Variants in PIEZO2 observed in about 807,000 individuals in gnomAD.
PIEZO2 encodes piezo type mechanosensitive ion channel component 2.
Under a neutral mutation model 337.3 loss-of-function variants are expected in PIEZO2, and 172 were observed. That is an observed-to-expected ratio of 0.51 (90% CI 0.45 to 0.58). The LOEUF (loss-of-function observed/expected upper bound fraction) is 0.58, where lower values mean the gene tolerates loss of function less well. PIEZO2 is among the 20% of genes least tolerant of loss of function. PIEZO2 has a pLI of 0.00. For synonymous variants in PIEZO2, 1,251 were observed against 1,228.5 expected (o/e 1.02, Z -0.38); for missense variants, 3,028 against 3,391.3 (o/e 0.89, Z 2.66).
chr18:10,825,638 C>T (rs562323147), intron 7 of PIEZO2, among the ~76,000 whole-genome samples: 10 of 148,130 alleles, frequency 6.8e-5, no homozygotes, highest in Non-Finnish European at 1.0e-4. Context: ...GCAACCTTTG[C>T]CTCCTGGGAT....
rs2038027225 is a variant in PIEZO2, at chr18:10,759,453, C to T, written c.3757+29G>A. The T allele has an allele frequency of 4.0e-6, 6 of 1,509,558 alleles. No homozygotes were observed. The Admixed American group carries it at 5.9e-5, about 15-fold the overall frequency. 93.5% of individuals were successfully genotyped at this position (1,509,558 alleles called of 1,614,324 possible). On this transcript the variant is annotated intron_variant, in intron 26 of 55. Transcript: ENST00000674853. The surrounding 1 kb of genome is among the most constrained non-coding windows in gnomAD (Gnocchi z 5.5). Reference sequence around the variant, plus strand: ...TTAACAGTAAACCCGGATACCAGCACTCTGTGGCCCTGCAGTGGAAACACT... The same window carrying T: ...TTAACAGTAAACCCGGATACCAGCATTCTGTGGCCCTGCAGTGGAAACACT...
chr18:10,756,027 G>C (rs2037828236), intron 27 of PIEZO2, among the ~76,000 whole-genome samples: 1 of 140,016 alleles, frequency 7.1e-6, no homozygotes, highest in Non-Finnish European at 1.6e-5. Context: ...GGAGGGATGG[G>C]GATAAGGAGG....
chr18:10,984,349 T>A (rs943286101), intron 2 of PIEZO2, among the ~76,000 whole-genome samples: 1 of 151,976 alleles, frequency 6.6e-6, no homozygotes, highest in Non-Finnish European at 1.5e-5. Flanking sequence ...ATTAAATTTT[T>A]AAAAATATAT....
rs117512691 is a variant in PIEZO2 at position 10,803,424 on chromosome 18, G to A, written c.1200+451C>T. On this transcript the variant is annotated intron_variant, in intron 9 of 55. Coordinates refer to ENST00000674853, the MANE Select transcript of PIEZO2 (RefSeq NM_001378183.1). ...TTATCACTGGTAACAATTATTGTCCGTTGTTTGCCTCAAAGTGATGAGCTC... is the reference window on the plus strand; with the variant it reads ...TTATCACTGGTAACAATTATTGTCCATTGTTTGCCTCAAAGTGATGAGCTC... Among the ~76,000 whole-genome samples, 33 of 152,218 alleles carry A rather than the reference G, an allele frequency of 2.2e-4. No homozygotes were observed. In the East Asian group the frequency reaches 2.5e-3, roughly 12 times the overall value.
chr18:10,729,997 T>C (rs1000911673), intron 36 of PIEZO2, among the ~76,000 whole-genome samples: 1 of 152,236 alleles, frequency 6.6e-6, no homozygotes, highest in Non-Finnish European at 1.5e-5. Context: ...CTCTTCTTCA[T>C]ATGGGCATTT....
At chr18:10,991,991 C>A (rs113533824) in intron 2 of PIEZO2, among the ~76,000 whole-genome samples, 47 of 152,280 alleles carry the variant, frequency 3.1e-4, no homozygotes, top group African/African-American at 1.1e-3. Context: ...TGATGATGAG[C>A]TTTTTTTCAT....
intron 36 of PIEZO2, among the ~76,000 whole-genome samples, chr18:10,728,949 T>C (rs371974436): frequency 1.2e-3 from 148 of 121,098 alleles, no homozygotes; most frequent in African/African-American, 5.0e-3. Flanking sequence ...AGCAAGACTC[T>C]GTCTCAAAAA....
At chr18:10,679,903 A>G (rs1178735537) in intron 52 of PIEZO2, among the ~76,000 whole-genome samples, 1 of 152,258 alleles carries the variant, frequency 6.6e-6, no homozygotes, top group Non-Finnish European at 1.5e-5. Flanking sequence ...TGCAAAAATA[A>G]AAAACAGCAA....
intron 1 of PIEZO2, among the ~76,000 whole-genome samples, chr18:11,091,721 G>T (rs1046133789): frequency 6.6e-6 from 1 of 152,184 alleles, no homozygotes; most frequent in African/African-American, 2.4e-5. Flanking sequence ...CTAGAAAGGG[G>T]TTTGTTCTTG....
At chr18:10,914,753 C>G (rs2030795427) in intron 3 of PIEZO2, among the ~76,000 whole-genome samples, 1 of 152,090 alleles carries the variant, frequency 6.6e-6, no homozygotes, top group South Asian at 2.1e-4. Context: ...CTTTCAGAAA[C>G]TGTCCTTTGT....
chr18:10,978,987 A>G (rs564154699), intron 3 of PIEZO2, among the ~76,000 whole-genome samples: 63 of 152,234 alleles, frequency 4.1e-4, no homozygotes, highest in African/African-American at 1.4e-3. Context: ...TTCAAAATAT[A>G]AGGGGCTTAA....
chr18:11,054,674 T>G (rs554832957), intron 2 of PIEZO2, among the ~76,000 whole-genome samples: 27 of 152,298 alleles, frequency 1.8e-4, no homozygotes, highest in African/African-American at 6.5e-4. Flanking sequence ...TGCCAAACAC[T>G]CCCTCATTCT....
chr18:10,920,098 G>T (rs978456040), intron 3 of PIEZO2, among the ~76,000 whole-genome samples: 1 of 152,072 alleles, frequency 6.6e-6, no homozygotes, highest in South Asian at 2.1e-4. Flanking sequence ...CACAAGATTC[G>T]CACTAACTAG....
rs140452637 is a variant in PIEZO2, at chr18:10,971,050, T to G, written c.286+8485A>C. Among the ~76,000 whole-genome samples, 539 of 152,254 alleles carry G rather than the reference T, an allele frequency of 3.5e-3. 2 individuals carry two copies. Among genetic ancestry groups the G allele is most frequent in the Middle Eastern group, 6.8e-3 (2 of 294 alleles). On this transcript the variant is annotated intron_variant, in intron 3 of 55. Transcript: ENST00000674853. ...ACTGCCCCTTGATGCTTGGCATTAA[T>G]CAGGCCCTGGAGACTCCCCATGACC...
intron 7 of PIEZO2, among the ~76,000 whole-genome samples, chr18:10,843,912 C>T (rs1329616048): frequency 6.6e-6 from 1 of 152,214 alleles, no homozygotes; most frequent in African/African-American, 2.4e-5. Flanking sequence ...TTCCAAACCT[C>T]TATGTGACAA....
chr18:10,760,322 T>A (rs2038072542), intron 24 of PIEZO2, among the ~76,000 whole-genome samples: 1 of 152,230 alleles, frequency 6.6e-6, no homozygotes. Context: ...TTATTTATTT[T>A]GAGATGGAAT....
rs753034565 is a variant in PIEZO2, at chr18:10,671,634, G to A, written c.8491C>T (p.Arg2831Ter). The A allele has an allele frequency of 9.9e-6, 16 of 1,613,770 alleles. No individual in the cohort carries two copies. Among genetic ancestry groups the A allele is most frequent in the Admixed American group, 3.3e-5 (2 of 59,998 alleles). Residue 2831 changes from arginine to a stop codon, truncating the protein, a stop_gained, in exon 56 of 56, where the codon CGA becomes TGA. Transcript: ENST00000674853. LOFTEE classifies it high-confidence loss of function. ...TCTAGCTCCAGTTCTCCTGTCTCTC[G>A]AACTAAAAAAATATCTGTGCACAAC... Reference protein sequence around the residue: ...LKLCTDIFLVRETGELELEED... With the variant: ...LKLCTDIFLV
At position 11,094,187 on chromosome 18, in the gene PIEZO2, C is replaced by T. The variant is rs923732957; in HGVS notation, c.65-27965G>A. ...AGAGACCAGGTTTCATCATGTTGGC[C>T]AGGCTCTTCTCTCTACTGTGATAAT... On this transcript the variant is annotated intron_variant, in intron 1 of 55. Transcript: ENST00000674853. This position sits in a 1 kb window ranked among gnomAD's most constrained non-coding sequence, Gnocchi z 4.4. Among the ~76,000 whole-genome samples the T allele has an allele frequency of 5.9e-5, 9 of 152,000 alleles. No individual in the cohort carries two copies. The highest frequency in any genetic ancestry group is 1.2e-4 in the Non-Finnish European group (8 of 68,012).
intron 1 of PIEZO2, among the ~76,000 whole-genome samples, chr18:11,123,157 C>T (rs1031495584): frequency 6.6e-6 from 1 of 152,068 alleles, no homozygotes; most frequent in African/African-American, 2.4e-5. Context: ...CCCAACAGAT[C>T]ACAAAAGCTT....
Sources: allele counts gnomAD v4.1 joint callset (sites outside exome capture counted in the v4.1 genomes callset), GRCh38; gene constraint gnomAD v4.1.1; non-coding constraint Gnocchi (gnomAD v3.1); transcripts MANE v1.5; gene names NCBI Gene and HGNC (gene_info 2026-07-23, HGNC 2026-07-21).